The following SLC9B2 variants were observed in gnomAD, a reference collection of about 807,000 sequenced individuals.
The protein encoded by SLC9B2 is solute carrier family 9 member B2, also known as sodium/hydrogen exchanger 9B2.
In SLC9B2, 39 loss-of-function variants were observed where a neutral mutation model predicts 52.2. The ratio of observed to expected loss-of-function variants is 0.75; its 90% CI spans 0.58 to 0.98. SLC9B2 has a LOEUF of 0.98. SLC9B2 is among the 50% of genes least tolerant of loss of function. The pLI is 0.00. For synonymous variants in SLC9B2, 214 were observed against 227.0 expected (o/e 0.94, Z 0.51); for missense variants, 626 against 637.5 (o/e 0.98, Z 0.19).
chr4:103,026,229 G>T lies in SLC9B2; in HGVS notation c.*141C>A. Reference sequence around the variant, plus strand: ...ATTACCACCCACATGGAAAGAGCAAGGGCTAAAAATGCTGTTTAAAGAAAC... The same window carrying T: ...ATTACCACCCACATGGAAAGAGCAATGGCTAAAAATGCTGTTTAAAGAAAC... On this transcript the variant is annotated 3_prime_UTR_variant, in exon 12 of 12. Coordinates refer to ENST00000394785, the MANE Select transcript of SLC9B2 (RefSeq NM_178833.7). 1 of 723,840 alleles carries T rather than the reference G, an allele frequency of 1.4e-6. No homozygotes were observed. Among genetic ancestry groups the T allele is most frequent in the Non-Finnish European group, 2.2e-6 (1 of 450,838 alleles). The allele number at this position is 723,840 out of a possible 1,614,324, so 44.8% of individuals were successfully genotyped here.
intron 9 of SLC9B2, among the ~76,000 whole-genome samples, chr4:103,039,746 C>A (rs1743474991): frequency 1.3e-5 from 2 of 149,638 alleles, no homozygotes; most frequent in East Asian, 4.0e-4. Flanking sequence ...CTGCCAGGTT[C>A]AAGCAATTCT....
intron 2 of SLC9B2, among the ~76,000 whole-genome samples, chr4:103,067,028 A>T (rs1171381046): frequency 6.6e-6 from 1 of 151,974 alleles, no homozygotes; most frequent in East Asian, 1.9e-4. Flanking sequence ...AGTCCCAAGC[A>T]TTTCAGATAA....
At chr4:103,034,152 C>T (rs1742942382) in intron 9 of SLC9B2, among the ~76,000 whole-genome samples, 1 of 152,090 alleles carries the variant, frequency 6.6e-6, no homozygotes, top group Non-Finnish European at 1.5e-5. Flanking sequence ...AACAAAACTG[C>T]ACACCTACAA....
Position 103,066,452 on chromosome 4 carries a change from CT to C in SLC9B2, c.145del (p.Ser49ValfsTer4). The part of the protein sequence containing the change: ...GIDANEPTEG[S>X]ILLKSSEKKL... Reference sequence around the variant, plus strand: ...TTTTTCACTGCTTTTCAAAAGAATACTTCCTTCTGTTGGTTCATTTGCATCT... The same window carrying C: ...TTTTTCACTGCTTTTCAAAAGAATACTCCTTCTGTTGGTTCATTTGCATCT... On this transcript the variant is annotated frameshift_variant, in exon 3 of 12. Transcript: ENST00000394785. 1.2e-6 allele frequency: 2 copies of C among 1,614,032 alleles called. No homozygotes were observed. The highest frequency in any genetic ancestry group is 2.2e-5 in the South Asian group (2 of 91,074).
chr4:103,033,906 T>C (rs552123016), intron 9 of SLC9B2, among the ~76,000 whole-genome samples: 4 of 152,262 alleles, frequency 2.6e-5, no homozygotes, highest in African/African-American at 9.6e-5. Context: ...GATTCAATGA[T>C]ATTCCTATCA....
rs1743794706 is a variant in SLC9B2 at position 103,043,298 on chromosome 4, T to C, written c.1144A>G (p.Lys382Glu). The C allele has an allele frequency of 6.3e-6, 10 of 1,598,414 alleles. No individual in the cohort carries two copies. Among genetic ancestry groups the C allele is most frequent in the Non-Finnish European group, 8.5e-6 (10 of 1,176,132 alleles). ...GAAAAACTTAAAATGAAATTCACCT[T>C]TTCGCTGGTCCATCCCATGCCTGCA... ...FLAGMGWTSE[K>E]AEVEKIIAVA... Residue 382 changes from lysine to glutamate, a missense_variant and splice_region_variant, in exon 9 of 12, where the codon AAG becomes GAG. Lys to Glu is a moderately conservative substitution (Grantham distance 56). Coordinates refer to ENST00000394785, the MANE Select transcript of SLC9B2 (RefSeq NM_178833.7).
At chr4:103,073,554 A>T (rs1014794249) in intron 1 of SLC9B2, among the ~76,000 whole-genome samples, 1 of 152,216 alleles carries the variant, frequency 6.6e-6, no homozygotes, top group Non-Finnish European at 1.5e-5. Context: ...AATGAGAACT[A>T]CCTTATCTGA....
At chr4:103,045,571 C>G (rs1472366714) in intron 7 of SLC9B2, among the ~76,000 whole-genome samples, 2 of 151,282 alleles carry the variant, frequency 1.3e-5, no homozygotes, top group Admixed American at 6.6e-5. Flanking sequence ...TTCAGTAAGT[C>G]TAGCAGGGCT....
intron 6 of SLC9B2, among the ~76,000 whole-genome samples, chr4:103,048,092 AG>A (rs1457944916): frequency 6.6e-6 from 1 of 152,206 alleles, no homozygotes; most frequent in African/African-American, 2.4e-5. Context: ...ATGTCAAATA[AG>A]GCAACAGATT....
chr4:103,022,908 G>A lies in SLC9B2; in HGVS notation c.*3462C>T, dbSNP rs959774397. 2.0e-5 allele frequency among the ~76,000 whole-genome samples: 3 copies of A among 152,088 alleles called. No homozygotes were observed. Among genetic ancestry groups the A allele is most frequent in the Non-Finnish European group, 4.4e-5 (3 of 68,008 alleles). ...CCAGAGAGCTTGCTTGCTCTCTCTC[G>A]GCATCAAGTGATGACACATGAGTGA... On this transcript the variant is annotated 3_prime_UTR_variant, in exon 12 of 12. Transcript: ENST00000394785.
At chr4:103,068,110 G>C (rs1316004459) in intron 1 of SLC9B2, among the ~76,000 whole-genome samples, 2 of 152,200 alleles carry the variant, frequency 1.3e-5, no homozygotes, top group Non-Finnish European at 2.9e-5. Context: ...CAGACACTAT[G>C]ATGAGTGCTA....
At chr4:103,056,888 G>C (rs1745175390) in intron 4 of SLC9B2, among the ~76,000 whole-genome samples, 1 of 152,150 alleles carries the variant, frequency 6.6e-6, no homozygotes, top group Non-Finnish European at 1.5e-5. Context: ...AGCAAGTGCA[G>C]TGTTACCATG....
intron 5 of SLC9B2, among the ~76,000 whole-genome samples, chr4:103,049,221 A>G (rs1744445895): frequency 6.6e-6 from 1 of 152,200 alleles, no homozygotes; most frequent in Admixed American, 6.5e-5. Context: ...CTTATAAGAT[A>G]GGTAATACTA....
intron 3 of SLC9B2, among the ~76,000 whole-genome samples, chr4:103,060,541 GTT>G (rs10715507): frequency 0.049 from 5,677 of 116,616 alleles, 275 homozygotes; most frequent in African/African-American, 0.15. Context: ...TTTTTTGTTT[GTT>G]TTTTTTTTTT....
At chr4:103,020,287 G>C (rs1259497935), downstream of SLC9B2, 1 of 424,290 alleles carries the variant, frequency 2.4e-6, no homozygotes, top group Non-Finnish European at 4.6e-6. Context: ...ATCTTATGTG[G>C]AAAGTTGTAT....
chr4:103,021,339 T>A, downstream of SLC9B2, among the ~76,000 whole-genome samples: 1 of 152,116 alleles, frequency 6.6e-6, no homozygotes, highest in East Asian at 1.9e-4. Context: ...ACTATAAATA[T>A]AATATTACGT....
At chr4:103,059,064 CA>C (rs35998000) in intron 3 of SLC9B2, among the ~76,000 whole-genome samples, 2 of 148,218 alleles carry the variant, frequency 1.3e-5, no homozygotes, top group Non-Finnish European at 3.0e-5. Flanking sequence ...GATACCCTGC[CA>C]AAAAAAAAGT....
chr4:103,065,198 ACACACACACATATAACTCAAG>A (rs1289728765), intron 3 of SLC9B2, among the ~76,000 whole-genome samples: 8 of 151,798 alleles, frequency 5.3e-5, no homozygotes, highest in African/African-American at 1.9e-4. Flanking sequence ...ACACACACAC[ACACACACACATATAACTCAAG>A]TATATTGGGT....
chr4:103,028,163 C>T (rs1296505849), intron 11 of SLC9B2, among the ~76,000 whole-genome samples: 2 of 152,096 alleles, frequency 1.3e-5, no homozygotes, highest in Non-Finnish European at 2.9e-5. Flanking sequence ...TTAGAATGCA[C>T]AAATTTTCGG....
Sources: gnomAD v4.1 joint callset for allele counts (sites outside exome capture counted in the v4.1 genomes callset) on GRCh38, gnomAD v4.1.1 for gene constraint, MANE v1.5 for transcripts, NCBI Gene and HGNC (gene_info 2026-07-23, HGNC 2026-07-21) for gene names.